The following NACC2 variants were observed in gnomAD, a reference collection of about 807,000 sequenced individuals.
The protein encoded by NACC2 is nucleus accumbens-associated protein 2.
In NACC2, 8 loss-of-function variants were observed where a neutral mutation model predicts 25.1. The ratio of observed to expected loss-of-function variants is 0.32; its 90% CI spans 0.19 to 0.57. The LOEUF (loss-of-function observed/expected upper bound fraction) is 0.57, where lower values mean the gene tolerates loss of function less well. NACC2 is among the 20% of genes least tolerant of loss of function. The pLI, the probability that NACC2 is intolerant of heterozygous loss-of-function variation, is 0.89. For synonymous variants in NACC2, 435 were observed against 294.7 expected, an observed-to-expected ratio of 1.48 and a Z score of -4.88; for missense variants, 644 against 650.2, an observed-to-expected ratio of 0.99 and a Z score of 0.10.
rs1201055462 is a variant in NACC2 at position 136,022,770 on chromosome 9, G to C, written c.887-6341C>G. On this transcript the variant is annotated intron_variant, in intron 2 of 5. Transcript: ENST00000277554. The surrounding 1 kb of genome is among the most constrained non-coding windows in gnomAD (Gnocchi z 4.4). ...AAAGACCAGAAACGACTTCCACGCT[G>C]TACTTGGTGGGAGCACAGAGGCCAC... is the stretch of plus-strand genomic sequence containing the variant. 6.6e-6 allele frequency among the ~76,000 whole-genome samples: 1 copy of C among 152,012 alleles called. No individual in the cohort carries two copies. The highest frequency in any genetic ancestry group is 1.5e-5 in the Non-Finnish European group (1 of 68,014).
rs369634660 is a variant in NACC2, at chr9:136,024,190, T to A, written c.887-7761A>T. 3.8e-5 allele frequency among the ~76,000 whole-genome samples: 5 copies of A among 131,208 alleles called. No homozygotes were observed. The East Asian group carries it at 9.5e-4, about 25-fold the overall frequency. 86.1% of individuals were successfully genotyped at this position (131,208 alleles called of 152,430 possible). On this transcript the variant is annotated intron_variant, in intron 2 of 5. Coordinates refer to ENST00000277554, the MANE Select transcript of NACC2 (RefSeq NM_144653.5). ...TGTGTGTGTGTGTGAGGACGGAGTG[T>A]GTGTGTGTGAGGACAGAGTGTGTGT... is the stretch of plus-strand genomic sequence containing the variant.
At chr9:136,040,787 CTG>C (rs1223556327) in intron 2 of NACC2, among the ~76,000 whole-genome samples, 13 of 152,158 alleles carry the variant, frequency 8.5e-5, no homozygotes, top group Admixed American at 8.5e-4. Context: ...TGGTGAAACC[CTG>C]TCTCTACAAA....
chr9:136,025,904 G>T (rs1423935291), intron 2 of NACC2, among the ~76,000 whole-genome samples: 1 of 151,824 alleles, frequency 6.6e-6, no homozygotes, highest in Non-Finnish European at 1.5e-5. Context: ...GACAGAGCAA[G>T]ACCATCTCGA....
intron 1 of NACC2, among the ~76,000 whole-genome samples, chr9:136,091,548 G>A (rs1010841625): frequency 3.9e-5 from 6 of 152,216 alleles, no homozygotes; most frequent in Non-Finnish European, 5.9e-5. Flanking sequence ...GGTGAGTGCC[G>A]GTCCCGGAGT....
chr9:136,050,159 G>T lies in NACC2; in HGVS notation c.363C>A (p.Phe121Leu), dbSNP rs1726605659. 1.3e-6 allele frequency: 1 copy of T among 769,848 alleles called. No individual in the cohort carries two copies. The highest frequency in any genetic ancestry group is 2.4e-6 in the Non-Finnish European group (1 of 415,240). 47.7% of individuals were successfully genotyped at this position (769,848 alleles called of 1,614,324 possible). A position where few individuals can be genotyped will look rare whatever the true frequency, so the allele number is the denominator to read the frequency against. Residue 121 changes from phenylalanine to leucine, a missense_variant, in exon 2 of 6, where the codon TTC (phenylalanine) becomes TTA (leucine). Physicochemically the swap from Phe to Leu is conservative, Grantham distance 22. Transcript: ENST00000277554. ...AGTCGCAGTGGGGCGAGCTCACCTT[G>T]AACATGAGGTCGGTGCCGCGCTCCA... ...HIVERGTDLM[F>L]KVSSPHCDSQ...
intron 1 of NACC2, among the ~76,000 whole-genome samples, chr9:136,060,543 G>A (rs188635077): frequency 4.4e-4 from 67 of 152,338 alleles, no homozygotes; most frequent in African/African-American, 1.5e-3. Context: ...CACTGGGGCC[G>A]GGTGGGGGGT....
chr9:136,062,735 C>A (rs774298668), intron 1 of NACC2, among the ~76,000 whole-genome samples: 1 of 152,066 alleles, frequency 6.6e-6, no homozygotes, highest in Non-Finnish European at 1.5e-5. Flanking sequence ...GGCAACATGG[C>A]GAAACCCCAT....
intron 1 of NACC2, among the ~76,000 whole-genome samples, chr9:136,070,496 G>A (rs1841137112): frequency 1.3e-5 from 2 of 151,886 alleles, no homozygotes; most frequent in South Asian, 4.1e-4. Flanking sequence ...GACAGAGCGA[G>A]ACTCGTCTCA....
rs140651085 is a variant in NACC2, at chr9:136,031,324, CTCATTCATTCATTCAT to C, written c.887-14911_887-14896del. ...CCTTCCCTCTCCTTTACTCCACAGC[CTCATTCATTCATTCAT>C]TCATTCATTCATTCTGAGATAGAGT... On this transcript the variant is annotated intron_variant, in intron 2 of 5. Transcript: ENST00000277554. Among the ~76,000 whole-genome samples the C allele has an allele frequency of 4.6e-5, 7 of 150,704 alleles. No individual in the cohort carries two copies. In the East Asian group the frequency reaches 7.8e-4, roughly 17 times the overall value.
At chr9:136,092,743 C>T (rs1224555767) in intron 1 of NACC2, among the ~76,000 whole-genome samples, 1 of 152,228 alleles carries the variant, frequency 6.6e-6, no homozygotes, top group African/African-American at 2.4e-5. Context: ...GTGTTCGTTA[C>T]ACTGGGGTCT....
At chr9:136,029,542 T>C (rs1381763580) in intron 2 of NACC2, among the ~76,000 whole-genome samples, 1 of 152,158 alleles carries the variant, frequency 6.6e-6, no homozygotes, top group Non-Finnish European at 1.5e-5. Flanking sequence ...GCCCACCACG[T>C]TGTGGGCAAT....
Position 136,034,732 on chromosome 9 carries a change from G to A in NACC2, c.886+14904C>T, listed in dbSNP as rs932578067. Among the ~76,000 whole-genome samples the A allele has an allele frequency of 4.1e-4, 62 of 152,246 alleles. 1 individual carries two copies. Among genetic ancestry groups the A allele is most frequent in the South Asian group, 3.9e-3 (19 of 4,818 alleles). ...GAAGGAATAAAACCAGTGAGTGGGGGATATAGGGGAAGCTCTTTCCTGTAA... is the reference window on the plus strand; with the variant it reads ...GAAGGAATAAAACCAGTGAGTGGGGAATATAGGGGAAGCTCTTTCCTGTAA... On this transcript the variant is annotated intron_variant, in intron 2 of 5. Coordinates refer to ENST00000277554, the MANE Select transcript of NACC2 (RefSeq NM_144653.5).
At chr9:136,081,079 G>C (rs1830318848) in intron 1 of NACC2, among the ~76,000 whole-genome samples, 1 of 152,138 alleles carries the variant, frequency 6.6e-6, no homozygotes, top group Admixed American at 6.5e-5. Flanking sequence ...AACGGCTGCG[G>C]GGAGAAGAAA....
intron 1 of NACC2, among the ~76,000 whole-genome samples, chr9:136,081,783 C>G (rs1324601298): frequency 6.6e-6 from 1 of 152,172 alleles, no homozygotes; most frequent in Non-Finnish European, 1.5e-5. Context: ...ACCAAGCTCC[C>G]TCTACCTGGA....
intron 3 of NACC2, 100 bp from the exon 4 acceptor site, chr9:136,014,069 G>A (rs1840158976): frequency 2.0e-6 from 1 of 512,066 alleles, no homozygotes. Context: ...GGTGGAGGGG[G>A]AGGAGGAGCT....
chr9:136,013,820 T>C lies in NACC2; in HGVS notation c.1157+44A>G, dbSNP rs776401831. 2.2e-5 allele frequency: 34 copies of C among 1,536,726 alleles called. No homozygotes were observed. In the Middle Eastern group the frequency reaches 1.0e-3, roughly 46 times the overall value. On this transcript the variant is annotated intron_variant, in intron 4 of 5. Transcript: ENST00000277554. This position sits in a 1 kb window ranked among gnomAD's most constrained non-coding sequence, Gnocchi z 6.6. ...CTCATAGCTAAAGGAGCCAGAACCCTCCGCAGCTCCATTGTGCCCTCCAGC... is the reference window on the plus strand; with the variant it reads ...CTCATAGCTAAAGGAGCCAGAACCCCCCGCAGCTCCATTGTGCCCTCCAGC...
At position 136,080,830 on chromosome 9, in the gene NACC2, C is replaced by T. The variant is rs1226884351; in HGVS notation, c.-60+14359G>A. Among the ~76,000 whole-genome samples the T allele has an allele frequency of 2.0e-5, 3 of 152,272 alleles. No individual in the cohort carries two copies. In the East Asian group the frequency reaches 5.8e-4, roughly 29 times the overall value. ...GAGCAGACGGCAGATGACCACAGGC[C>T]GGCCTGTGCCCGGCGCAAACTCCAG... On this transcript the variant is annotated intron_variant, in intron 1 of 5. Transcript: ENST00000277554.
At chr9:136,094,599 C>T (rs1228081334) in intron 1 of NACC2, among the ~76,000 whole-genome samples, 2 of 152,224 alleles carry the variant, frequency 1.3e-5, no homozygotes, top group East Asian at 3.9e-4. Flanking sequence ...GCGGCCGGAC[C>T]CCAGTTTCTC....
chr9:136,006,822 G>C lies in NACC2; in HGVS notation c.*4694C>G, dbSNP rs751155641. On this transcript the variant is annotated 3_prime_UTR_variant, in exon 6 of 6. Coordinates refer to ENST00000277554, the MANE Select transcript of NACC2 (RefSeq NM_144653.5). Reference sequence around the variant, plus strand: ...ACAAAGGCTTCCTCCTTAAAAAAAAGACAAAAAAAAAAAGCTAAGCATCTG... The same window carrying C: ...ACAAAGGCTTCCTCCTTAAAAAAAACACAAAAAAAAAAAGCTAAGCATCTG... The C allele has an allele frequency of 8.1e-5, 12 of 148,636 alleles. No homozygotes were observed. The highest frequency in any genetic ancestry group is 1.5e-4 in the Non-Finnish European group (10 of 67,192). 9.2% of individuals were successfully genotyped at this position (148,636 alleles called of 1,614,324 possible). A position where few individuals can be genotyped will look rare whatever the true frequency, so the allele number is the denominator to read the frequency against.
Sources: allele counts gnomAD v4.1 joint callset (sites outside exome capture counted in the v4.1 genomes callset), GRCh38; gene constraint gnomAD v4.1.1; non-coding constraint Gnocchi (gnomAD v3.1); transcripts MANE v1.5; gene names NCBI Gene and HGNC (gene_info 2026-07-23, HGNC 2026-07-21).